Variants in PCSK6 observed in about 807,000 individuals in gnomAD.
The protein encoded by PCSK6 is proprotein convertase subtilisin/kexin type 6.
PCSK6 carries 85 observed loss-of-function variants against 123.3 expected under a neutral mutation model. That is an observed-to-expected ratio of 0.69 (90% CI 0.58 to 0.83). The LOEUF (loss-of-function observed/expected upper bound fraction) is 0.83. Ranked by LOEUF, PCSK6 falls within the 40% of genes least tolerant of loss-of-function variation. The pLI, the probability that PCSK6 is intolerant of heterozygous loss-of-function variation, is 0.00. For synonymous variants in PCSK6, 508 were observed against 516.0 expected, an observed-to-expected ratio of 0.98 and a Z score of 0.21; for missense variants, 1,191 against 1,282.3, an observed-to-expected ratio of 0.93 and a Z score of 1.09.
At chr15:101,488,044 G>C (rs1427104370) in intron 1 of PCSK6, among the ~76,000 whole-genome samples, 2 of 151,976 alleles carry the variant, frequency 1.3e-5, no homozygotes, top group African/African-American at 4.8e-5. Context: ...TCCTTCATTC[G>C]AATGGTGGAA....
At chr15:101,312,646 C>A (rs149365910) in intron 20 of PCSK6, among the ~76,000 whole-genome samples, 5 of 152,146 alleles carry the variant, frequency 3.3e-5, no homozygotes, top group Admixed American at 3.3e-4. Context: ...GCCTGGCCAA[C>A]GTGGTGAAAC....
At chr15:101,455,408 G>A (rs369053184) in intron 1 of PCSK6, among the ~76,000 whole-genome samples, 10 of 152,236 alleles carry the variant, frequency 6.6e-5, no homozygotes, top group African/African-American at 2.4e-4. Context: ...TTCCCTTAAA[G>A]GGAACAAGGA....
chr15:101,488,263 T>C (rs7166089), intron 1 of PCSK6, among the ~76,000 whole-genome samples: 45,048 of 152,110 alleles, frequency 0.3, 6,755 homozygotes, highest in Middle Eastern at 0.37. Flanking sequence ...TCTGAGTGTG[T>C]AGTTTGTAGA....
intron 15 of PCSK6, among the ~76,000 whole-genome samples, chr15:101,328,869 T>C (rs1474000463): frequency 6.6e-6 from 1 of 152,242 alleles, no homozygotes; most frequent in Non-Finnish European, 1.5e-5. Flanking sequence ...CTCTCGCCCA[T>C]GAAGCGTTCT....
chr15:101,403,283 AG>A (rs947221839), intron 6 of PCSK6, among the ~76,000 whole-genome samples: 6 of 63,276 alleles, frequency 9.5e-5, no homozygotes, highest in Middle Eastern at 8.9e-3. Flanking sequence ...GGGTGGGGGG[AG>A]GGGGGAGGGA....
intron 1 of PCSK6, among the ~76,000 whole-genome samples, chr15:101,473,643 C>T (rs955135458): frequency 5.3e-5 from 8 of 152,138 alleles, no homozygotes; most frequent in African/African-American, 1.7e-4. Context: ...GGTTGTAGGC[C>T]GAGGTGGGTG....
At chr15:101,378,956 G>A (rs1199564319) in intron 11 of PCSK6, among the ~76,000 whole-genome samples, 1 of 152,232 alleles carries the variant, frequency 6.6e-6, no homozygotes, top group Admixed American at 6.5e-5. Flanking sequence ...GCATTGTGCT[G>A]TGCTGGTGGC....
chr15:101,325,184 G>A, intron 16 of PCSK6, 138 bp from the exon 17 acceptor site: 1 of 620,176 alleles, frequency 1.6e-6, no homozygotes, highest in Non-Finnish European at 2.8e-6. Context: ...GGTGAGTGCA[G>A]TTCTGAGGTT....
chr15:101,371,726 G>A (rs560442895), intron 11 of PCSK6, among the ~76,000 whole-genome samples: 13 of 152,122 alleles, frequency 8.5e-5, no homozygotes, highest in Admixed American at 3.9e-4. Flanking sequence ...CACTGCCTCC[G>A]CCTCCAGGCC....
At chr15:101,431,175 C>T (rs1415654587) in intron 4 of PCSK6, 145 bp downstream of exon 4, 3 of 817,288 alleles carry the variant, frequency 3.7e-6, no homozygotes, top group Admixed American at 5.3e-5. Flanking sequence ...ATTCATCTTC[C>T]TAATTCTTTC....
intron 2 of PCSK6, among the ~76,000 whole-genome samples, chr15:101,441,024 C>A (rs12591130): frequency 0.61 from 92,708 of 152,064 alleles, 28,929 homozygotes; most frequent in African/African-American, 0.73. Flanking sequence ...ATCCTAGGAA[C>A]GTTCCAGGAA....
At chr15:101,454,035 A>C (rs1552951) in intron 1 of PCSK6, among the ~76,000 whole-genome samples, 9 of 152,036 alleles carry the variant, frequency 5.9e-5, no homozygotes, top group Middle Eastern at 6.8e-3. Flanking sequence ...CCCCTCCTGG[A>C]CTCCCCAGAA....
chr15:101,335,789 G>A (rs1423762966), intron 13 of PCSK6, among the ~76,000 whole-genome samples: 1 of 152,206 alleles, frequency 6.6e-6, no homozygotes, highest in East Asian at 1.9e-4. Flanking sequence ...AGAAATGCAG[G>A]TGATTTTGTT....
intron 1 of PCSK6, among the ~76,000 whole-genome samples, chr15:101,460,826 T>A (rs1368347725): frequency 1.8e-4 from 28 of 151,988 alleles, no homozygotes; most frequent in Non-Finnish European, 5.9e-5. Flanking sequence ...ATAATTGGGA[T>A]AAAAAAATAC....
intron 11 of PCSK6, among the ~76,000 whole-genome samples, chr15:101,375,613 C>T (rs527380767): frequency 3.9e-5 from 6 of 152,318 alleles, no homozygotes; most frequent in African/African-American, 9.6e-5. Context: ...CTAACACCTG[C>T]GGCACTTTGG....
chr15:101,427,567 G>C (rs1327579700), intron 6 of PCSK6, among the ~76,000 whole-genome samples: 1 of 152,224 alleles, frequency 6.6e-6, no homozygotes, highest in Non-Finnish European at 1.5e-5. Flanking sequence ...GAGCCACTGA[G>C]GGCTATGGGC....
At chr15:101,307,109 G>A in intron 21 of PCSK6, 104 bp downstream of exon 21, 1 of 776,600 alleles carries the variant, frequency 1.3e-6, no homozygotes, top group Non-Finnish European at 2.2e-6. Context: ...ACGCCTGTCT[G>A]TGGAGCCGCC....
At chr15:101,347,588 G>GC in intron 13 of PCSK6, 1 of 1,471,260 alleles carries the variant, frequency 6.8e-7, no homozygotes, top group Admixed American at 2.3e-5. Context: ...ATCAACAACT[G>GC]TTTGTGAGCC....
At chr15:101,312,951 G>A in intron 20 of PCSK6, 1 of 863,688 alleles carries the variant, frequency 1.2e-6, no homozygotes, top group Non-Finnish European at 1.5e-6. Flanking sequence ...GTTGCAGTGA[G>A]CTGAGGTCAC....
Sources: gnomAD v4.1 joint callset for allele counts (sites outside exome capture counted in the v4.1 genomes callset) on GRCh38, gnomAD v4.1.1 for gene constraint, MANE v1.5 for transcripts, NCBI Gene and HGNC (gene_info 2026-07-23, HGNC 2026-07-21) for gene names.